The following SDHA variants were observed in gnomAD, a reference collection of about 807,000 sequenced individuals.
SDHA encodes succinate dehydrogenase [ubiquinone] flavoprotein subunit, mitochondrial.
Under a neutral mutation model 78.4 loss-of-function variants are expected in SDHA, and 48 were observed. The ratio of observed to expected loss-of-function variants is 0.61; its 90% CI spans 0.49 to 0.78. The LOEUF is 0.78. Among genes scored for constraint, SDHA ranks in the 30% least tolerant of loss-of-function variants. SDHA has a pLI of 0.00. For missense variants in SDHA, 680 were observed against 892.7 expected, an observed-to-expected ratio of 0.76 and a Z score of 3.04; for synonymous variants, 326 against 353.9, an observed-to-expected ratio of 0.92 and a Z score of 0.88.
downstream of SDHA, among the ~76,000 whole-genome samples, chr5:261,681 C>CAG (rs1737486480): frequency 3.3e-5 from 2 of 61,356 alleles, no homozygotes; most frequent in Non-Finnish European, 2.9e-5. Flanking sequence ...CCTCCCGTCA[C>CAG]AGCATTACCG....
At chr5:223,340 G>A in intron 1 of SDHA, 142 bp from the exon 2 acceptor site, 1 of 723,440 alleles carries the variant, frequency 1.4e-6, no homozygotes, top group Non-Finnish European at 2.5e-6. Flanking sequence ...TAAGTAGAGG[G>A]TCCCAGCTGA....
At chr5:230,058 C>T (rs1735296063) in intron 6 of SDHA, among the ~76,000 whole-genome samples, 2 of 151,252 alleles carry the variant, frequency 1.3e-5, no homozygotes, top group African/African-American at 4.9e-5. Context: ...AATATTATAA[C>T]TTGAAATTTG....
chr5:230,842 G>A (rs754893503), intron 6 of SDHA, 34 bp from the exon 7 acceptor site: 68 of 1,612,974 alleles, frequency 4.2e-5, no homozygotes, highest in East Asian at 4.5e-5. Flanking sequence ...GATGTGGGCC[G>A]CTGTGTGCAG....
rs760796714 is a variant in SDHA at position 240,483 on chromosome 5, G to C, written c.1551+7G>C. 1.3e-6 allele frequency: 2 copies of C among 1,563,208 alleles called. No homozygotes were observed. Among genetic ancestry groups the C allele is most frequent in the East Asian group, 2.2e-5 (1 of 44,606 alleles). On this transcript the variant is annotated splice_region_variant and intron_variant, in intron 11 of 14. Coordinates refer to ENST00000264932, the MANE Select transcript of SDHA (RefSeq NM_004168.4). ...GCGACTCAGCATGCAGAAGGTAAGA[G>C]CCTGGACTCGCTCTGGAGTGAGCAG...
chr5:247,313 AT>A, intron 11 of SDHA, among the ~76,000 whole-genome samples: 1 of 152,356 alleles, frequency 6.6e-6, no homozygotes, highest in Admixed American at 6.5e-5. Context: ...TATTTATGCA[AT>A]TGCAAACAGC....
At chr5:222,008 C>T (rs9312980) in intron 1 of SDHA, among the ~76,000 whole-genome samples, 36,557 of 152,088 alleles carry the variant, frequency 0.24, 6,848 homozygotes, top group African/African-American at 0.52. Flanking sequence ...ACTGTTCTTA[C>T]TGGTGCTATT....
downstream of SDHA, among the ~76,000 whole-genome samples, chr5:258,619 T>C (rs1202791730): frequency 2.1e-5 from 2 of 96,202 alleles, no homozygotes; most frequent in African/African-American, 8.7e-5. Flanking sequence ...TGCCAGAGCA[T>C]TACCGTGTGA....
In SDHA at chr5:218,377, T is replaced by C. The variant is rs768328967; in HGVS notation, c.22T>C (p.Ser8Pro). 26 of 1,455,694 alleles carry C rather than the reference T, an allele frequency of 1.8e-5. No individual in the cohort carries two copies. In the South Asian group the frequency reaches 3.6e-4, roughly 20 times the overall value. 90.2% of individuals were successfully genotyped at this position (1,455,694 alleles called of 1,614,324 possible). A position where few individuals can be genotyped will look rare whatever the true frequency, so the allele number is the denominator to read the frequency against. MSGVRGL[S>P]RLLSARRLAL... ...AGACATGTCGGGGGTCCGGGGCCTG[T>C]CGCGGCTGCTGAGCGCTCGGCGCCT... Residue 8 changes from serine to proline, a missense_variant, in exon 1 of 15, where the codon TCG becomes CCG. Ser to Pro is a moderately conservative substitution (Grantham distance 74). Transcript: ENST00000264932.
Position 223,586 on chromosome 5 carries a change from G to C in SDHA, c.150+18G>C, listed in dbSNP as rs759611800. 9 of 1,595,266 alleles carry C rather than the reference G, an allele frequency of 5.6e-6. No homozygotes were observed. The Admixed American group carries it at 1.5e-4, about 27-fold the overall frequency. ...CAGATTCCGTAAGTTCATGCTTTTT[G>C]TTCCATTATAAATGATTTTTTTGGC... On this transcript the variant is annotated intron_variant, in intron 2 of 14. Coordinates refer to ENST00000264932, the MANE Select transcript of SDHA (RefSeq NM_004168.4).
intron 6 of SDHA, 45 bp downstream of exon 6, chr5:228,378 A>G: frequency 5.8e-6 from 9 of 1,551,756 alleles, no homozygotes; most frequent in Non-Finnish European, 8.0e-6. Context: ...AAAATGAATA[A>G]ATTTCATTTA....
chr5:264,395 GA>G, the SDHA span, among the ~76,000 whole-genome samples: 1 of 152,216 alleles, frequency 6.6e-6, no homozygotes, highest in African/African-American at 2.4e-5. Context: ...GGTAAGACAG[GA>G]AAGAGGTGAG....
intron 10 of SDHA, among the ~76,000 whole-genome samples, chr5:238,083 A>G (rs537587090): frequency 6.8e-6 from 1 of 147,178 alleles, no homozygotes; most frequent in East Asian, 1.9e-4. Context: ...AGAATACCCT[A>G]TACTTTACAT....
At chr5:231,048 T>C in intron 7 of SDHA, 48 bp downstream of exon 7, 2 of 1,608,082 alleles carry the variant, frequency 1.2e-6, no homozygotes, top group Non-Finnish European at 1.7e-6. Flanking sequence ...GTGTGTGTCT[T>C]GTAAGCATGT....
chr5:233,408 A>G, intron 7 of SDHA, 69 bp from the exon 8 acceptor site: 1 of 1,559,298 alleles, frequency 6.4e-7, no homozygotes, highest in African/African-American at 1.4e-5. Flanking sequence ...AAATGTCTTG[A>G]AAAAAATAAT....
rs755740263 is a variant in SDHA, at chr5:218,330, G to A, written c.-26G>A. The A allele has an allele frequency of 6.9e-7, 1 of 1,444,328 alleles. No homozygotes were observed. Among genetic ancestry groups the A allele is most frequent in the East Asian group, 2.8e-5 (1 of 35,678 alleles). 89.5% of individuals were successfully genotyped at this position (1,444,328 alleles called of 1,614,324 possible). ...AGGCGCAGTCTGCGCAGGGACTGGC[G>A]GGACTGCGCGGCGGCAACAGCAGAC... On this transcript the variant is annotated 5_prime_UTR_variant, in exon 1 of 15. Transcript: ENST00000264932.
chr5:234,139 G>A (rs532505473), intron 8 of SDHA: 1 of 187,874 alleles, frequency 5.3e-6, no homozygotes, highest in South Asian at 1.0e-4. Flanking sequence ...GAGAAGTCAG[G>A]TGGGGCGCAG....
the SDHA span, among the ~76,000 whole-genome samples, chr5:265,736 C>T: frequency 6.6e-6 from 1 of 151,854 alleles, no homozygotes. Context: ...AGGAGAGTTG[C>T]TTGAACCCGG....
At chr5:229,950 T>C (rs1212032470) in intron 6 of SDHA, among the ~76,000 whole-genome samples, 1 of 152,156 alleles carries the variant, frequency 6.6e-6, no homozygotes, top group Non-Finnish European at 1.5e-5. Flanking sequence ...ATATACAGCA[T>C]GGTGGCTATC....
intron 1 of SDHA, among the ~76,000 whole-genome samples, chr5:218,819 C>T (rs1734539826): frequency 1.3e-5 from 2 of 152,108 alleles, no homozygotes; most frequent in Non-Finnish European, 2.9e-5. Flanking sequence ...GGTGGCCGCC[C>T]TGGCTGGGCT....
Sources: allele counts gnomAD v4.1 joint callset (sites outside exome capture counted in the v4.1 genomes callset), GRCh38; gene constraint gnomAD v4.1.1; transcripts MANE v1.5; gene names NCBI Gene and HGNC (gene_info 2026-07-23, HGNC 2026-07-21).